The following CSMD1 variants were observed in gnomAD, a reference collection of about 807,000 sequenced individuals.
The protein encoded by CSMD1 is CUB and sushi domain-containing protein 1.
CSMD1 carries 213 observed loss-of-function variants against 417.5 expected under a neutral mutation model. The ratio of observed to expected loss-of-function variants is 0.51; its 90% CI spans 0.46 to 0.57. The LOEUF is 0.57. Ranked by LOEUF, CSMD1 falls within the 20% of genes least tolerant of loss-of-function variation. CSMD1 has a pLI of 0.00. For synonymous variants in CSMD1, 2,862 were observed against 1,736.8 expected (o/e 1.65, Z -16.11); for missense variants, 6,923 against 4,529.7 (o/e 1.53, Z -15.17).
intron 1 of CSMD1, among the ~76,000 whole-genome samples, chr8:4,950,531 AG>A (rs1808672519): frequency 6.6e-6 from 1 of 152,228 alleles, no homozygotes; most frequent in African/African-American, 2.4e-5. Flanking sequence ...TTCATAAAAA[AG>A]TAAGTTGTTT....
chr8:3,923,343 C>T (rs760936845), intron 5 of CSMD1, among the ~76,000 whole-genome samples: 14 of 152,226 alleles, frequency 9.2e-5, no homozygotes, highest in Middle Eastern at 6.8e-3. Flanking sequence ...CATCCACATA[C>T]GTATATTTTT....
intron 50 of CSMD1, among the ~76,000 whole-genome samples, chr8:3,047,777 A>G (rs1324970103): frequency 6.6e-6 from 1 of 152,194 alleles, no homozygotes; most frequent in African/African-American, 2.4e-5. Context: ...AACTACTTGC[A>G]TGGACATTCT....
intron 1 of CSMD1, among the ~76,000 whole-genome samples, chr8:4,779,022 T>C (rs1037984610): frequency 2.6e-5 from 4 of 152,212 alleles, no homozygotes; most frequent in Non-Finnish European, 4.4e-5. Context: ...AATGACCAGA[T>C]TGATATATCT....
At chr8:4,386,286 C>G (rs899869657) in intron 3 of CSMD1, among the ~76,000 whole-genome samples, 1 of 151,844 alleles carries the variant, frequency 6.6e-6, no homozygotes, top group Admixed American at 6.6e-5. Context: ...TGACTTCCAT[C>G]CCACTCAAAC....
In CSMD1 at chr8:4,994,467, G is replaced by A; in HGVS notation, c.-51C>T. The A allele has an allele frequency of 6.6e-7, 1 of 1,522,642 alleles. No homozygotes were observed. Among genetic ancestry groups the A allele is most frequent in the South Asian group, 1.1e-5 (1 of 88,476 alleles). The allele number at this position is 1,522,642 out of a possible 1,614,324, so 94.3% of individuals were successfully genotyped here. On this transcript the variant is annotated 5_prime_UTR_variant, in exon 1 of 70. Coordinates refer to ENST00000635120, the MANE Select transcript of CSMD1 (RefSeq NM_033225.6). ...GACACCGATGGCTCCTCCGAGGAAG[G>A]CAGGGCTATGAGCGGAGCCAAATAA...
At chr8:3,903,871 T>A (rs547357801) in intron 5 of CSMD1, among the ~76,000 whole-genome samples, 35 of 151,046 alleles carry the variant, frequency 2.3e-4, no homozygotes, top group African/African-American at 6.9e-4. Flanking sequence ...GTCATTGCCA[T>A]ATATATATAT....
At chr8:3,339,540 G>C (rs377355540) in intron 23 of CSMD1, among the ~76,000 whole-genome samples, 2 of 152,154 alleles carry the variant, frequency 1.3e-5, no homozygotes, top group Non-Finnish European at 2.9e-5. Flanking sequence ...CAGAATGCCA[G>C]TTCCGTAATT....
At chr8:4,641,043 C>A (rs1005693616) in intron 1 of CSMD1, among the ~76,000 whole-genome samples, 5 of 150,902 alleles carry the variant, frequency 3.3e-5, no homozygotes, top group Non-Finnish European at 7.4e-5. Context: ...ATTTCGATTT[C>A]AATTTCATAT....
chr8:3,769,972 CTG>C (rs1286922155), intron 5 of CSMD1, among the ~76,000 whole-genome samples: 8 of 152,242 alleles, frequency 5.3e-5, no homozygotes, highest in African/African-American at 1.9e-4. Context: ...GAAAGGCACT[CTG>C]TGAATTCATA....
chr8:4,164,354 G>T (rs1054082505), intron 3 of CSMD1, among the ~76,000 whole-genome samples: 2 of 152,024 alleles, frequency 1.3e-5, no homozygotes, highest in African/African-American at 4.8e-5. Flanking sequence ...TAAAACAACA[G>T]TCACACACTG....
intron 2 of CSMD1, among the ~76,000 whole-genome samples, chr8:4,518,672 C>G (rs908765588): frequency 2.0e-5 from 3 of 148,070 alleles, no homozygotes; most frequent in Non-Finnish European, 3.0e-5. Context: ...TGCTAAATGA[C>G]GAGTTAACGG....
intron 3 of CSMD1, among the ~76,000 whole-genome samples, chr8:4,379,383 T>G (rs1405914914): frequency 6.6e-6 from 1 of 152,206 alleles, no homozygotes. Flanking sequence ...TGTAGAATTT[T>G]GGAACAGAAA....
intron 3 of CSMD1, among the ~76,000 whole-genome samples, chr8:4,067,463 T>G (rs766261181): frequency 2.7e-5 from 4 of 146,856 alleles, no homozygotes; most frequent in South Asian, 2.3e-4. Context: ...ATATCAGTTC[T>G]TTTCACATGA....
rs142326461 is a variant in CSMD1, at chr8:4,124,229, G to A, written c.416-92130C>T. On this transcript the variant is annotated intron_variant, in intron 3 of 69. Transcript: ENST00000635120. ...GGAAGCTTCAGGGCTCCTGGGCAGGGGAGTGTGAGGCCTGAGGTCATTAAC... is the reference window on the plus strand; with the variant it reads ...GGAAGCTTCAGGGCTCCTGGGCAGGAGAGTGTGAGGCCTGAGGTCATTAAC... Among the ~76,000 whole-genome samples the A allele has an allele frequency of 1.5e-3, 226 of 152,258 alleles. 1 individual carries two copies. Among genetic ancestry groups the A allele is most frequent in the African/African-American group, 5.2e-3 (217 of 41,546 alleles).
intron 1 of CSMD1, among the ~76,000 whole-genome samples, chr8:4,803,761 C>G (rs756547525): frequency 6.6e-6 from 1 of 151,978 alleles, no homozygotes; most frequent in Non-Finnish European, 1.5e-5. Flanking sequence ...TTTCAAAGAA[C>G]GTTATTGGTA....
intron 3 of CSMD1, among the ~76,000 whole-genome samples, chr8:4,107,563 C>T (rs62501348): frequency 2.0e-5 from 3 of 152,208 alleles, no homozygotes; most frequent in Non-Finnish European, 2.9e-5. Flanking sequence ...GTAGCACCTG[C>T]TGGCTTCTAA....
intron 1 of CSMD1, among the ~76,000 whole-genome samples, chr8:4,985,217 G>C (rs746390588): frequency 6.6e-6 from 1 of 152,240 alleles, no homozygotes; most frequent in South Asian, 2.1e-4. Context: ...TCAGAGGGTG[G>C]TGGGTGGGAG....
At chr8:4,097,564 C>T (rs1162250103) in intron 3 of CSMD1, among the ~76,000 whole-genome samples, 1 of 152,134 alleles carries the variant, frequency 6.6e-6, no homozygotes, top group Non-Finnish European at 1.5e-5. Context: ...GAGGACTACT[C>T]AGTGCAGTAT....
At chr8:4,041,567 G>C (rs1179479595) in intron 3 of CSMD1, among the ~76,000 whole-genome samples, 2 of 152,128 alleles carry the variant, frequency 1.3e-5, no homozygotes, top group African/African-American at 2.4e-5. Flanking sequence ...ACCTGTCAAA[G>C]TGAGATTCAC....
Sources: allele counts gnomAD v4.1 joint callset (sites outside exome capture counted in the v4.1 genomes callset), GRCh38; gene constraint gnomAD v4.1.1; transcripts MANE v1.5; gene names NCBI Gene and HGNC (gene_info 2026-07-23, HGNC 2026-07-21).